The following ZDBF2 variants were observed in gnomAD, a reference collection of about 807,000 sequenced individuals.
ZDBF2 encodes zinc finger DBF-type containing 2.
In ZDBF2, 6 loss-of-function variants were observed where a neutral mutation model predicts 9.4. The observed-to-expected ratio is 0.64, with a 90% CI of 0.35 to 1.27. The LOEUF is 1.27. Among genes scored for constraint, ZDBF2 ranks in the 50% most tolerant of loss-of-function variants. The pLI is 0.03. For missense variants in ZDBF2, 2,697 were observed against 2,766.8 expected (o/e 0.97, Z 0.57); for synonymous variants, 905 against 946.3 (o/e 0.96, Z 0.80).
intron 4 of ZDBF2, among the ~76,000 whole-genome samples, chr2:206,302,280 G>T (rs1484517645): frequency 6.6e-6 from 1 of 152,046 alleles, no homozygotes; most frequent in Non-Finnish European, 1.5e-5. Context: ...AAAGTGGGGG[G>T]ATTACAGGCA....
At chr2:206,289,559 A>C (rs1691780562) in intron 3 of ZDBF2, among the ~76,000 whole-genome samples, 1 of 152,148 alleles carries the variant, frequency 6.6e-6, no homozygotes, top group Non-Finnish European at 1.5e-5. Flanking sequence ...GGCTGGGATG[A>C]TTCAGCAGTG....
At chr2:206,294,088 T>C (rs1452130496) in intron 3 of ZDBF2, among the ~76,000 whole-genome samples, 1 of 152,176 alleles carries the variant, frequency 6.6e-6, no homozygotes, top group African/African-American at 2.4e-5. Flanking sequence ...CCAATATGTA[T>C]GAATATCACA....
In ZDBF2 at chr2:206,305,599, G is replaced by A. The variant is rs560052603; in HGVS notation, c.1071G>A (p.Lys357=). The change falls in exon 5 of 5, where the codon AAG becomes AAA. Residue 357 remains lysine, a synonymous_variant. Coordinates refer to ENST00000374423, the MANE Select transcript of ZDBF2 (RefSeq NM_020923.3). ...ACAAGACAGCCTTTTGGGAACAGAA[G>A]TGCTCAGTGAGTTCTGAAATGAAGT... ...VFNKTAFWEQ[K]CSVSSEMKFD... The A allele has an allele frequency of 3.7e-6, 6 of 1,613,852 alleles. No individual in the cohort carries two copies. In the African/African-American group the frequency reaches 4.0e-5, roughly 11 times the overall value.
At chr2:206,275,692 A>G (rs1690957723) in intron 1 of ZDBF2, among the ~76,000 whole-genome samples, 1 of 152,006 alleles carries the variant, frequency 6.6e-6, no homozygotes, top group African/African-American at 2.4e-5. Context: ...TCTTTTTTAC[A>G]GCAATATGCT....
chr2:206,288,059 T>G (rs1330731001), intron 3 of ZDBF2, among the ~76,000 whole-genome samples: 1 of 152,190 alleles, frequency 6.6e-6, no homozygotes, highest in Non-Finnish European at 1.5e-5. Flanking sequence ...AATTAGTTTA[T>G]TTTCATTGGG....
At chr2:206,296,478 TGTC>T (rs1692184662) in intron 3 of ZDBF2, among the ~76,000 whole-genome samples, 1 of 152,236 alleles carries the variant, frequency 6.6e-6, no homozygotes, top group African/African-American at 2.4e-5. Flanking sequence ...TATCAGTTAT[TGTC>T]ATTAATCCCT....
At chr2:206,287,663 T>G (rs775867418) in intron 3 of ZDBF2, among the ~76,000 whole-genome samples, 2 of 152,226 alleles carry the variant, frequency 1.3e-5, no homozygotes, top group African/African-American at 4.8e-5. Flanking sequence ...CCTTTCTTCT[T>G]GTCTTCCCCA....
rs2105974012 is a variant in ZDBF2 at position 206,311,333 on chromosome 2, C to T, written c.6805C>T (p.Leu2269Phe). The change falls in exon 5 of 5, where the codon CTT becomes TTT. Residue 2269 changes from leucine to phenylalanine, a missense_variant. By Grantham distance (22) the Leu-to-Phe change is conservative (BLOSUM62 0). Coordinates refer to ENST00000374423, the MANE Select transcript of ZDBF2 (RefSeq NM_020923.3). ...GAAGGCGAAGAGAACAGCTAAAGTG[C>T]TTTTGAACTCTTCAGTTCCACCAGC... is the stretch of plus-strand genomic sequence containing the variant. ...LKKAKRTAKV[L>F]LNSSVPPAGA... is the part of the protein sequence containing the mutation. 6.2e-7 allele frequency: 1 copy of T among 1,603,926 alleles called. No individual in the cohort carries two copies. Among genetic ancestry groups the T allele is most frequent in the Non-Finnish European group, 8.5e-7 (1 of 1,174,598 alleles).
intron 3 of ZDBF2, among the ~76,000 whole-genome samples, chr2:206,290,290 C>A (rs1444354339): frequency 6.6e-6 from 1 of 152,188 alleles, no homozygotes; most frequent in East Asian, 1.9e-4. Flanking sequence ...ACATTTGAGT[C>A]CTCCAACTTT....
In ZDBF2 at chr2:206,311,895, T is replaced by C. The variant is rs1411810541; in HGVS notation, c.*302T>C. 1 of 181,708 alleles carries C rather than the reference T, an allele frequency of 5.5e-6. No homozygotes were observed. The highest frequency in any genetic ancestry group is 1.1e-5 in the Non-Finnish European group (1 of 88,384). The allele number at this position is 181,708 out of a possible 1,614,324, so 11.3% of individuals were successfully genotyped here. On this transcript the variant is annotated 3_prime_UTR_variant, in exon 5 of 5. Transcript: ENST00000374423. ...TGTTCCTCAAATCATATCCCTCTTA[T>C]TTTTTATGATTATCTCTCTCATGCC...
Position 206,291,029 on chromosome 2 carries a change from A to G in ZDBF2, c.61-6217A>G, listed in dbSNP as rs149309786. Among the ~76,000 whole-genome samples, 101 of 152,268 alleles carry G rather than the reference A, an allele frequency of 6.6e-4. No individual in the cohort carries two copies. The East Asian group carries it at 0.014, about 21-fold the overall frequency. ...CATGAAAGGGTATAGGCTTTTGTCA[A>G]ATGCTTTTCTGCAACTATTAGATGT... On this transcript the variant is annotated intron_variant, in intron 3 of 4. Transcript: ENST00000374423.
chr2:206,307,616 G>C lies in ZDBF2; in HGVS notation c.3088G>C (p.Glu1030Gln). The C allele has an allele frequency of 6.2e-7, 1 of 1,612,222 alleles. No homozygotes were observed. The change falls in exon 5 of 5, where the codon GAA (glutamate) becomes CAA (glutamine). Residue 1030 changes from glutamate (E) to glutamine (Q), a missense_variant. Physicochemically the swap from Glu to Gln is conservative, Grantham distance 29 (BLOSUM62 2). Coordinates refer to ENST00000374423, the MANE Select transcript of ZDBF2 (RefSeq NM_020923.3). The part of the protein sequence containing the change: ...KINRKKQYVL[E>Q]NKNDKCSGSE... The stretch of plus-strand genomic sequence containing the variant: ...AAACAGAAAGAAGCAATATGTTCTA[G>C]AAAACAAGAATGATAAATGTAGTGG...
chr2:206,309,513 G>A lies in ZDBF2; in HGVS notation c.4985G>A (p.Gly1662Asp). The A allele has an allele frequency of 6.2e-7, 1 of 1,613,928 alleles. No homozygotes were observed. The highest frequency in any genetic ancestry group is 1.3e-5 in the African/African-American group (1 of 75,012). The change falls in exon 5 of 5, where the codon GGT becomes GAT. Residue 1662 changes from glycine (G) to aspartate (D), a missense_variant. Physicochemically the swap from Gly to Asp is moderately conservative, Grantham distance 94 (BLOSUM62 -1). This residue lies in a region of ZDBF2 where 1,783 missense variants were observed against 1,776.5 expected (regional missense o/e 1.00). Transcript: ENST00000374423. ...GAAGATAAGAGCTGTGGATATAATG[G>A]TTCTAAAGGAAAATTTAATTTGGAA... is the stretch of plus-strand genomic sequence containing the variant. ...DSEDKSCGYN[G>D]SKGKFNLEDT...
Position 206,309,850 on chromosome 2 carries a change from G to T in ZDBF2, c.5322G>T (p.Lys1774Asn). 1.2e-6 allele frequency: 2 copies of T among 1,613,934 alleles called. No individual in the cohort carries two copies. Residue 1774 changes from lysine (K) to asparagine (N), a missense_variant, in exon 5 of 5, where the codon AAG (lysine) becomes AAT (asparagine). By Grantham distance (94) the Lys-to-Asn change is moderately conservative (BLOSUM62 0). Around this residue, in one of 3 missense-constraint regions of ZDBF2, gnomAD observed 1,783 missense variants for 1,776.5 expected, o/e 1.00. Transcript: ENST00000374423. The part of the protein sequence containing the change: ...QETVKKRHPC[K>N]KVSSDLKEKN... Reference sequence around the variant, plus strand: ...CTGTTAAGAAAAGACACCCTTGTAAGAAGGTATCTTCTGACTTGAAAGAAA... The same window carrying T: ...CTGTTAAGAAAAGACACCCTTGTAATAAGGTATCTTCTGACTTGAAAGAAA...
rs762795135 is a variant in ZDBF2 at position 206,310,763 on chromosome 2, G to A, written c.6235G>A (p.Val2079Ile). Residue 2079 changes from valine (V) to isoleucine (I), a missense_variant, in exon 5 of 5, where the codon GTT becomes ATT. Val to Ile is a conservative substitution (Grantham distance 29, BLOSUM62 3). Around this residue, in one of 3 missense-constraint regions of ZDBF2, gnomAD observed 1,783 missense variants for 1,776.5 expected, o/e 1.00. Transcript: ENST00000374423. Reference sequence around the variant, plus strand: ...ACCAGAGTTTGAGAGGCGTAACTGGGTTAAAATTCATTTTAATAGGAGCAA... The same window carrying A: ...ACCAGAGTTTGAGAGGCGTAACTGGATTAAAATTCATTTTAATAGGAGCAA... ...IVPEFERRNWVKIHFNRSNQN... is the reference protein window; with the variant it reads ...IVPEFERRNWIKIHFNRSNQN... The A allele has an allele frequency of 1.2e-6, 2 of 1,613,970 alleles. No individual in the cohort carries two copies. Among genetic ancestry groups the A allele is most frequent in the Non-Finnish European group, 1.7e-6 (2 of 1,179,892 alleles).
At position 206,304,897 on chromosome 2, in the gene ZDBF2, A is replaced by G; in HGVS notation, c.369A>G (p.Lys123=). Residue 123 remains lysine (K), a synonymous_variant, in exon 5 of 5, where the codon AAA becomes AAG. Transcript: ENST00000374423. ...PIEELHSRPH[K]SQEGTQEVSV... is the part of the protein sequence containing the mutation. Reference sequence around the variant, plus strand: ...AAGAGTTACATTCCAGACCTCATAAATCTCAGGAAGGCACGCAGGAGGTTT... The same window carrying G: ...AAGAGTTACATTCCAGACCTCATAAGTCTCAGGAAGGCACGCAGGAGGTTT... The G allele has an allele frequency of 1.2e-6, 2 of 1,613,746 alleles. No homozygotes were observed. The highest frequency in any genetic ancestry group is 1.7e-6 in the Non-Finnish European group (2 of 1,179,800).
At chr2:206,275,755 C>G (rs1049390769) in intron 1 of ZDBF2, among the ~76,000 whole-genome samples, 1 of 152,128 alleles carries the variant, frequency 6.6e-6, no homozygotes, top group Non-Finnish European at 1.5e-5. Flanking sequence ...ATCTCATCCT[C>G]GAGAGAATCT....
chr2:206,297,490 ATTT>A (rs1331111821), intron 4 of ZDBF2, 117 bp downstream of exon 4: 2 of 1,038,300 alleles, frequency 1.9e-6, no homozygotes, highest in East Asian at 5.4e-5. Flanking sequence ...ATAAAGTAAA[ATTT>A]TAGTAACTTT....
intron 1 of ZDBF2, among the ~76,000 whole-genome samples, chr2:206,277,406 T>C (rs1320781250): frequency 6.6e-6 from 1 of 152,030 alleles, no homozygotes; most frequent in African/African-American, 2.4e-5. Context: ...CTCTGTTCAC[T>C]GCCTGGGATA....
Sources: gnomAD v4.1 joint callset for allele counts (sites outside exome capture counted in the v4.1 genomes callset) on GRCh38, gnomAD v4.1.1 for gene constraint, gnomAD v4.1.1 regional missense constraint, MANE v1.5 for transcripts, NCBI Gene and HGNC (gene_info 2026-07-23, HGNC 2026-07-21) for gene names.